Variants in XRCC4 observed in about 807,000 individuals in gnomAD.
XRCC4 encodes the protein DNA repair protein XRCC4.
In XRCC4, 28 loss-of-function variants were observed where a neutral mutation model predicts 39.1. The ratio of observed to expected loss-of-function variants is 0.72; its 90% CI spans 0.53 to 0.98. XRCC4 has a LOEUF of 0.98. XRCC4 is among the 50% of genes least tolerant of loss of function. The probability of loss-of-function intolerance (pLI) is 0.00; values close to 1 mark genes in which losing one functional copy is unlikely to be tolerated. For synonymous variants in XRCC4, 123 were observed against 126.4 expected (o/e 0.97, Z 0.18); for missense variants, 350 against 376.4 (o/e 0.93, Z 0.58).
At chr5:83,183,753 A>G (rs6861225) in intron 3 of XRCC4, among the ~76,000 whole-genome samples, 2,216 of 152,152 alleles carry the variant, frequency 0.015, 63 homozygotes, top group African/African-American at 0.051. Context: ...ACTTTTCATT[A>G]TTTGTTTTTG....
chr5:83,218,625 G>GT (rs1477031889), intron 6 of XRCC4, among the ~76,000 whole-genome samples: 2 of 151,808 alleles, frequency 1.3e-5, no homozygotes, highest in South Asian at 4.2e-4. Flanking sequence ...GTTTTGTTTT[G>GT]TTTTTTTACC....
chr5:83,227,839 T>C (rs1384261793), intron 6 of XRCC4, among the ~76,000 whole-genome samples: 2 of 152,066 alleles, frequency 1.3e-5, no homozygotes, highest in Non-Finnish European at 2.9e-5. Flanking sequence ...ATATTCATCA[T>C]AGGTTTATAC....
At chr5:83,362,316 A>AAAAAAAAAAAAAAAAAAAAAAAAAAAAAC in the XRCC4 span, among the ~76,000 whole-genome samples, 3 of 146,042 alleles carry the variant, frequency 2.1e-5, no homozygotes, top group Admixed American at 6.7e-5. Flanking sequence ...AAAAAAAAAA[A>AAAAAAAAAAAAAAAAAAAAAAAAAAAAAC]AACTATCTCA....
chr5:83,251,823 C>T (rs1405418382), intron 6 of XRCC4, among the ~76,000 whole-genome samples: 1 of 152,106 alleles, frequency 6.6e-6, no homozygotes, highest in Non-Finnish European at 1.5e-5. Flanking sequence ...CACATACATT[C>T]TTAAGTGTTT....
chr5:83,233,062 C>T (rs1418553816), intron 6 of XRCC4, among the ~76,000 whole-genome samples: 1 of 152,102 alleles, frequency 6.6e-6, no homozygotes, highest in Admixed American at 6.6e-5. Context: ...GAATCTTAAC[C>T]ATTTTTTATG....
chr5:83,218,062 T>TATATATATATATATATATATA lies in XRCC4; in HGVS notation c.745+13141_745+13142insATATATATATATATATATATA, dbSNP rs1554065873. On this transcript the variant is annotated intron_variant, in intron 6 of 7. Coordinates refer to ENST00000396027, the MANE Select transcript of XRCC4 (RefSeq NM_003401.5). ...TTGAACTTCTCAGTCTTTACCTTTTTTATATATATATATATATTTATTAGA... is the reference window on the plus strand; with the variant it reads ...TTGAACTTCTCAGTCTTTACCTTTTTATATATATATATATATATATATATATATATATATATATTTATTAGA... 2.1e-3 allele frequency among the ~76,000 whole-genome samples: 313 copies of TATATATATATATATATATATA among 147,514 alleles called. 1 individual carries two copies. The highest frequency in any genetic ancestry group is 7.5e-3 in the African/African-American group (297 of 39,780).
chr5:83,125,986 C>CAAAA (rs35711158), intron 3 of XRCC4, among the ~76,000 whole-genome samples: 2 of 108,442 alleles, frequency 1.8e-5, no homozygotes, highest in Admixed American at 1.0e-4. Context: ...TCCATCTCAT[C>CAAAA]AAAAAAAAAA....
intron 4 of XRCC4, chr5:83,201,345 G>C (rs958546289): frequency 6.6e-6 from 1 of 152,294 alleles, no homozygotes; most frequent in African/African-American, 2.4e-5. Context: ...ATGGGACTGG[G>C]CAAGCCCACT....
chr5:83,179,284 A>C (rs935410429), intron 3 of XRCC4, among the ~76,000 whole-genome samples: 2 of 152,220 alleles, frequency 1.3e-5, no homozygotes, highest in South Asian at 4.1e-4. Context: ...AGTCAGAGCG[A>C]ATGCTATCTA....
At chr5:83,229,618 C>T (rs1265038077) in intron 6 of XRCC4, among the ~76,000 whole-genome samples, 1 of 145,058 alleles carries the variant, frequency 6.9e-6, no homozygotes. Context: ...AAATTATGCT[C>T]ATTCCATTAA....
rs771544881 is a variant in XRCC4 at position 83,203,605 on chromosome 5, G to A, written c.536G>A (p.Arg179Gln). 25 of 1,610,196 alleles carry A rather than the reference G, an allele frequency of 1.6e-5. No individual in the cohort carries two copies. The highest frequency in any genetic ancestry group is 1.7e-4 in the Middle Eastern group (1 of 6,052). The change falls in exon 5 of 8, where the codon CGG becomes CAG. Residue 179 changes from arginine (R) to glutamine (Q), a missense_variant. Arg to Gln is a conservative substitution (Grantham distance 43, BLOSUM62 1). Transcript: ENST00000396027. ...KEALETDLYK[R>Q]FILVLNEKKT... The stretch of plus-strand genomic sequence containing the variant: ...GCTTTGGAGACTGATCTTTATAAGC[G>A]GTTTATTCTGGTGTTGAATGAGAAG...
At chr5:83,094,435 C>T (rs1254403452) in intron 1 of XRCC4, among the ~76,000 whole-genome samples, 3 of 146,660 alleles carry the variant, frequency 2.0e-5, no homozygotes, top group East Asian at 2.0e-4. Flanking sequence ...TTCCTTTCCT[C>T]TTTTTCTTTT....
At chr5:83,358,284 T>C (rs1757212527), downstream of XRCC4, among the ~76,000 whole-genome samples, 5 of 152,128 alleles carry the variant, frequency 3.3e-5, no homozygotes. Context: ...GACTCCCAAC[T>C]CCCTTTCTTA....
intron 7 of XRCC4, among the ~76,000 whole-genome samples, chr5:83,346,911 A>G (rs1756933598): frequency 6.6e-6 from 1 of 152,226 alleles, no homozygotes; most frequent in Non-Finnish European, 1.5e-5. Flanking sequence ...CTCACTTTCC[A>G]TTAAAACTTT....
chr5:83,226,542 T>A (rs888712907), intron 6 of XRCC4, among the ~76,000 whole-genome samples: 6 of 152,076 alleles, frequency 3.9e-5, no homozygotes, highest in Non-Finnish European at 7.4e-5. Flanking sequence ...CTCCCATAGT[T>A]GGTGAATTTA....
chr5:83,135,901 T>C (rs1747875259), intron 3 of XRCC4, among the ~76,000 whole-genome samples: 1 of 152,208 alleles, frequency 6.6e-6, no homozygotes, highest in Non-Finnish European at 1.5e-5. Context: ...TCCATATGTG[T>C]TCTGTTTTTC....
At chr5:83,291,490 A>G (rs1754918654) in intron 7 of XRCC4, among the ~76,000 whole-genome samples, 1 of 151,906 alleles carries the variant, frequency 6.6e-6, no homozygotes, top group Non-Finnish European at 1.5e-5. Flanking sequence ...AATAGTAGCA[A>G]TGCTTTTCTT....
chr5:83,136,881 A>G (rs1486310345), intron 3 of XRCC4, among the ~76,000 whole-genome samples: 1 of 152,218 alleles, frequency 6.6e-6, no homozygotes. Flanking sequence ...AATTTATACC[A>G]TGGTGACTAT....
intron 7 of XRCC4, among the ~76,000 whole-genome samples, chr5:83,333,919 G>A (rs569305946): frequency 7.9e-5 from 12 of 152,052 alleles, no homozygotes; most frequent in South Asian, 2.1e-4. Context: ...ACAGGTGTGC[G>A]CCACCACGCC....
Sources: allele counts gnomAD v4.1 joint callset (sites outside exome capture counted in the v4.1 genomes callset), GRCh38; gene constraint gnomAD v4.1.1; transcripts MANE v1.5; gene names NCBI Gene and HGNC (gene_info 2026-07-23, HGNC 2026-07-21).